SELENOI: variants seen among roughly 807,000 people sequenced by gnomAD.
The protein encoded by SELENOI is ethanolaminephosphotransferase 1.
In SELENOI, 24 loss-of-function variants were observed where a neutral mutation model predicts 50.7. That is an observed-to-expected ratio of 0.47 (90% confidence interval 0.34 to 0.67). SELENOI has a LOEUF of 0.67. Among genes scored for constraint, SELENOI ranks in the 30% least tolerant of loss-of-function variants. The pLI is 0.01. For missense variants in SELENOI, 352 were observed against 461.4 expected (o/e 0.76, Z 2.17); for synonymous variants, 155 against 170.2 (o/e 0.91, Z 0.70).
intron 1 of SELENOI, among the ~76,000 whole-genome samples, chr2:26,362,863 A>G (rs1248779738): frequency 6.6e-6 from 1 of 152,204 alleles, no homozygotes; most frequent in Non-Finnish European, 1.5e-5. Flanking sequence ...TGAACCCTCA[A>G]GGAGGGTTTG....
chr2:26,387,709 AAAAAG>A (rs910710370), intron 9 of SELENOI, among the ~76,000 whole-genome samples: 2 of 151,734 alleles, frequency 1.3e-5, no homozygotes, highest in Non-Finnish European at 2.9e-5. Flanking sequence ...AAAAAAAAAA[AAAAAG>A]AAAAAGAAAG....
At chr2:26,346,424 C>G in intron 1 of SELENOI, 135 bp downstream of exon 1, 1 of 1,114,142 alleles carries the variant, frequency 9.0e-7, no homozygotes, top group Non-Finnish European at 1.2e-6. Flanking sequence ...TCCGGAGGTC[C>G]TGCGGGTCCT....
In SELENOI at chr2:26,395,684, T is replaced by C. The variant is rs979230851; in HGVS notation, c.*6581T>C. 1.3e-5 allele frequency: 2 copies of C among 152,652 alleles called. No individual in the cohort carries two copies. Among genetic ancestry groups the C allele is most frequent in the African/African-American group, 4.8e-5 (2 of 41,462 alleles). The allele number at this position is 152,652 out of a possible 1,614,324, so 9.5% of individuals were successfully genotyped here. ...CATTATCTGTATCAGTGTTTCCCAT[T>C]GCTAGCCCGAATAATCAAGACCAGA... On this transcript the variant is annotated 3_prime_UTR_variant, in exon 10 of 10. Transcript: ENST00000260585.
intron 1 of SELENOI, among the ~76,000 whole-genome samples, chr2:26,351,431 CAT>C (rs1378010155): frequency 6.6e-6 from 1 of 152,180 alleles, no homozygotes; most frequent in Non-Finnish European, 1.5e-5. Flanking sequence ...GAGAGAATAT[CAT>C]AGCACTTTCT....
chr2:26,362,182 A>G lies in SELENOI; in HGVS notation c.58-2120A>G, dbSNP rs146844160. 9.6e-3 allele frequency among the ~76,000 whole-genome samples: 1,462 copies of G among 151,608 alleles called. 28 individuals carry two copies. Among genetic ancestry groups the G allele is most frequent in the African/African-American group, 0.033 (1,382 of 41,328 alleles). On this transcript the variant is annotated intron_variant, in intron 1 of 9. Coordinates refer to ENST00000260585, the MANE Select transcript of SELENOI (RefSeq NM_033505.4). ...CCTCCCGGGTTCACGCCATTCTCCTACCTCAGCCTCCCGAGTAGCTAGGAG... is the reference window on the plus strand; with the variant it reads ...CCTCCCGGGTTCACGCCATTCTCCTGCCTCAGCCTCCCGAGTAGCTAGGAG...
chr2:26,367,742 G>T (rs909278032), intron 4 of SELENOI, among the ~76,000 whole-genome samples: 1 of 152,188 alleles, frequency 6.6e-6, no homozygotes, highest in Admixed American at 6.5e-5. Flanking sequence ...ATAAGGAAGT[G>T]ATCAATTCTT....
In SELENOI at chr2:26,346,409, G is replaced by A. The variant is rs571890092; in HGVS notation, c.57+120G>A. On this transcript the variant is annotated intron_variant, in intron 1 of 9. Coordinates refer to ENST00000260585, the MANE Select transcript of SELENOI (RefSeq NM_033505.4). ...CGTGGCTCCGGGCGGGCTGGCGGGC[G>A]TTCCTCCGGAGGTCCTGCGGGTCCT... 88 of 1,269,470 alleles carry A rather than the reference G, an allele frequency of 6.9e-5. No individual in the cohort carries two copies. In the African/African-American group the frequency reaches 1.3e-3, roughly 19 times the overall value. The allele number at this position is 1,269,470 out of a possible 1,614,324, so 78.6% of individuals were successfully genotyped here. A position where few individuals can be genotyped will look rare whatever the true frequency, so the allele number is the denominator to read the frequency against.
chr2:26,379,810 C>A (rs948660012), intron 6 of SELENOI, among the ~76,000 whole-genome samples: 2 of 151,956 alleles, frequency 1.3e-5, no homozygotes, highest in Non-Finnish European at 2.9e-5. Flanking sequence ...TTTTACTTAA[C>A]CTCATTGATC....
chr2:26,379,162 G>A (rs1040557346), intron 6 of SELENOI, among the ~76,000 whole-genome samples: 1 of 152,200 alleles, frequency 6.6e-6, no homozygotes, highest in Non-Finnish European at 1.5e-5. Flanking sequence ...TACTCGGGAG[G>A]CTGAGGCAGG....
At position 26,386,479 on chromosome 2, in the gene SELENOI, C is replaced by T. The variant is rs779954494; in HGVS notation, c.1038C>T (p.Leu346=). Residue 346 remains leucine, a synonymous_variant, in exon 9 of 10, where the codon CTC becomes CTT. Transcript: ENST00000260585. ...LGVASYVESI[L]LYTLTTAFTL... ...TAGCCTCTTACGTTGAGAGCATTCT[C>T]CTGTATACATTAACAACTGCTTTTA... 1.9e-6 allele frequency: 3 copies of T among 1,613,596 alleles called. No individual in the cohort carries two copies. Among genetic ancestry groups the T allele is most frequent in the African/African-American group, 1.3e-5 (1 of 74,872 alleles).
intron 1 of SELENOI, among the ~76,000 whole-genome samples, chr2:26,349,201 G>T (rs563684452): frequency 6.6e-6 from 1 of 150,826 alleles, no homozygotes; most frequent in Non-Finnish European, 1.5e-5. Flanking sequence ...TTTTAGTAGC[G>T]GTGCATTTCT....
chr2:26,375,362 C>G (rs1677545476), intron 6 of SELENOI, among the ~76,000 whole-genome samples: 1 of 152,160 alleles, frequency 6.6e-6, no homozygotes, highest in East Asian at 1.9e-4. Flanking sequence ...TATTTCTAAT[C>G]AGAGGGAAAT....
rs375666958 is a variant in SELENOI at position 26,357,500 on chromosome 2, A to T, written c.58-6802A>T. On this transcript the variant is annotated intron_variant, in intron 1 of 9. Coordinates refer to ENST00000260585, the MANE Select transcript of SELENOI (RefSeq NM_033505.4). ...ACAGAATTTTAATTCTCTCATAGTT[A>T]CGGAGGCTAGAAGTGTAGAAAAACA... Among the ~76,000 whole-genome samples the T allele has an allele frequency of 1.3e-3, 198 of 152,326 alleles. No individual in the cohort carries two copies. The South Asian group carries it at 0.022, about 17-fold the overall frequency.
Position 26,373,378 on chromosome 2 carries a change from G to C in SELENOI, c.322G>C (p.Gly108Arg), listed in dbSNP as rs745447464. The C allele has an allele frequency of 1.9e-6, 3 of 1,609,276 alleles. No individual in the cohort carries two copies. Among genetic ancestry groups the C allele is most frequent in the Non-Finnish European group, 2.5e-6 (3 of 1,177,326 alleles). The change falls in exon 5 of 10, where the codon GGA (glycine) becomes CGA (arginine). Residue 108 changes from glycine (G) to arginine (R), a missense_variant. By Grantham distance (125) the Gly-to-Arg change is moderately radical (BLOSUM62 -2). Coordinates refer to ENST00000260585, the MANE Select transcript of SELENOI (RefSeq NM_033505.4). ...TGTTTTTGTTGCAGATGGTGTGGAC[G>C]GAAAGCAAGCTCGCAGAACCAATTC... ...FVAYTLDGVD[G>R]KQARRTNSST... is the part of the protein sequence containing the mutation.
chr2:26,389,206 C>A lies in SELENOI; in HGVS notation c.*103C>A. ...GATCTGCTTGACAGACGTGGGATCT[C>A]AGTATGGTACTTGGACAGCAGGAAT... On this transcript the variant is annotated 3_prime_UTR_variant, in exon 10 of 10. Transcript: ENST00000260585. 1.1e-6 allele frequency: 1 copy of A among 895,544 alleles called. No homozygotes were observed. Among genetic ancestry groups the A allele is most frequent in the Non-Finnish European group, 1.8e-6 (1 of 568,624 alleles). 55.5% of individuals were successfully genotyped at this position (895,544 alleles called of 1,614,324 possible). A position where few individuals can be genotyped will look rare whatever the true frequency, so the allele number is the denominator to read the frequency against.
Position 26,384,958 on chromosome 2 carries a change from G to T in SELENOI, c.732-1G>T. The T allele has an allele frequency of 1.9e-6, 3 of 1,592,350 alleles. No individual in the cohort carries two copies. In the Admixed American group the frequency reaches 5.4e-5, roughly 29 times the overall value. On this transcript the variant is annotated splice_acceptor_variant, in intron 7 of 9. Transcript: ENST00000260585. LOFTEE classifies it high-confidence loss of function. Reference sequence around the variant, plus strand: ...TTATATTACTTGATTTTTTTTTCCAGAAGCTATAAAAATAACACCTTGAAA... The same window carrying T: ...TTATATTACTTGATTTTTTTTTCCATAAGCTATAAAAATAACACCTTGAAA...
chr2:26,370,539 TCC>T (rs1677396375), intron 4 of SELENOI, among the ~76,000 whole-genome samples: 2 of 120,018 alleles, frequency 1.7e-5, no homozygotes, highest in Non-Finnish European at 3.6e-5. Context: ...GCAGAGGGGC[TCC>T]TCACGTCCCA....
chr2:26,381,140 G>GAATGAA lies in SELENOI; in HGVS notation c.683-2155_683-2150dup, dbSNP rs1371411853. Among the ~76,000 whole-genome samples the GAATGAA allele has an allele frequency of 3.6e-5, 5 of 140,486 alleles. No individual in the cohort carries two copies. In the South Asian group the frequency reaches 6.9e-4, roughly 19 times the overall value. 92.2% of individuals were successfully genotyped at this position (140,486 alleles called of 152,430 possible). ...TTAATAAATAAACTGGAAATGTGAGGAATGAAAATATTTTTTATGACCATG... is the reference window on the plus strand; with the variant it reads ...TTAATAAATAAACTGGAAATGTGAGGAATGAAAATGAAAATATTTTTTATGACCATG... On this transcript the variant is annotated intron_variant, in intron 6 of 9. Coordinates refer to ENST00000260585, the MANE Select transcript of SELENOI (RefSeq NM_033505.4).
At chr2:26,362,084 G>A (rs1677190026) in intron 1 of SELENOI, among the ~76,000 whole-genome samples, 1 of 152,074 alleles carries the variant, frequency 6.6e-6, no homozygotes, top group African/African-American at 2.4e-5. Context: ...TGGCTTATTG[G>A]TTGACTCTTT....
Sources: gnomAD v4.1 joint callset for allele counts (sites outside exome capture counted in the v4.1 genomes callset) on GRCh38, gnomAD v4.1.1 for gene constraint, MANE v1.5 for transcripts, NCBI Gene and HGNC (gene_info 2026-07-23, HGNC 2026-07-21) for gene names.